The following RTL9 variants were observed in gnomAD, a reference collection of about 807,000 sequenced individuals.
RTL9 encodes retrotransposon Gag-like protein 9.
In RTL9, 19 loss-of-function variants were observed where a neutral mutation model predicts 44.7. The ratio of observed to expected loss-of-function variants is 0.42; its 90% CI spans 0.30 to 0.62. The LOEUF (loss-of-function observed/expected upper bound fraction) is 0.62. Among genes scored for constraint, RTL9 ranks in the 20% least tolerant of loss-of-function variants. The probability of loss-of-function intolerance (pLI) is 0.16; values close to 1 mark genes in which losing one functional copy is unlikely to be tolerated. For missense variants in RTL9, 1,105 were observed against 1,080.6 expected (o/e 1.02, Z -0.32); for synonymous variants, 407 against 398.9 (o/e 1.02, Z -0.24).
Position 110,429,478 on chromosome X carries a change from T to G in RTL9, c.-168+10343T>G, listed in dbSNP as rs1365973387. Among the ~76,000 whole-genome samples the G allele has an allele frequency of 5.6e-3, 515 of 92,470 alleles. 12 individuals are homozygous for G. The highest frequency in any genetic ancestry group is 0.021 in the African/African-American group (498 of 23,853). The allele number at this position is 92,470 out of a possible 115,157, so 80.3% of individuals were successfully genotyped here. On this transcript the variant is annotated intron_variant, in intron 1 of 3. Transcript: ENST00000465301. The stretch of plus-strand genomic sequence containing the variant: ...AAAGTGTTTTTTTTTTTTTTTGTTT[T>G]GTTTTTTTGGTTTTTTTGTTTTTAC...
chrX:110,454,576 A>G (rs150689658), exon 1 of RTL9: 71 of 1,209,963 alleles, frequency 5.9e-5, no homozygotes, highest in Non-Finnish European at 1.1e-5. Flanking sequence ...TCCCCAGGCA[A>G]CTCAAGCCAG....
At position 110,451,858 on chromosome X, in the gene RTL9, C is replaced by T. The variant is rs138209810; in HGVS notation, c.1241C>T (p.Pro414Leu). 441 of 1,209,383 alleles carry T rather than the reference C, an allele frequency of 3.6e-4. No individual in the cohort carries two copies. The highest frequency in any genetic ancestry group is 4.6e-4 in the Non-Finnish European group (410 of 894,980). The change falls in exon 1 of 2, where the codon CCG becomes CTG. Residue 414 changes from proline (P) to leucine (L), a missense_variant. Physicochemically the swap from Pro to Leu is moderately conservative, Grantham distance 98 (BLOSUM62 -3). Transcript: ENST00000540313. Reference sequence around the variant, plus strand: ...TTAGATTCTGGAGCAATGTCCACACCGCTAATGGGAGCCCCAGCCTCTGGA... The same window carrying T: ...TTAGATTCTGGAGCAATGTCCACACTGCTAATGGGAGCCCCAGCCTCTGGA...
chrX:110,370,349 C>T (rs1017730978), intron 1 of RTL9, among the ~76,000 whole-genome samples: 5 of 111,569 alleles, frequency 4.5e-5, no homozygotes, highest in Non-Finnish European at 9.4e-5. Flanking sequence ...GCTAGGATTA[C>T]AGGCACCTGC....
chrX:110,451,930 C>T (rs1179024994), exon 1 of RTL9: 13 of 1,211,924 alleles, frequency 1.1e-5, no homozygotes, highest in Non-Finnish European at 1.5e-5. Flanking sequence ...GGAGCCATGA[C>T]CACCTCACTG....
At chrX:110,423,050 G>A (rs1423529544) in intron 1 of RTL9, among the ~76,000 whole-genome samples, 1 of 112,120 alleles carries the variant, frequency 8.9e-6, no homozygotes, top group Non-Finnish European at 1.9e-5. Flanking sequence ...AGAGGAGGCC[G>A]GGCGCGGTGT....
At chrX:110,385,403 A>C (rs1279125267) in intron 1 of RTL9, among the ~76,000 whole-genome samples, 2 of 111,455 alleles carry the variant, frequency 1.8e-5, no homozygotes, top group African/African-American at 6.5e-5. Flanking sequence ...CAGTTCAGTC[A>C]TTTTTAGTAT....
intron 1 of RTL9, among the ~76,000 whole-genome samples, chrX:110,410,095 C>A (rs1221555191): frequency 8.9e-6 from 1 of 111,807 alleles, no homozygotes; most frequent in East Asian, 2.8e-4. Context: ...CTCAGACTGA[C>A]TTTCTCGTTT....
At chrX:110,438,627 A>G (rs2068856608) in intron 1 of RTL9, among the ~76,000 whole-genome samples, 2 of 111,791 alleles carry the variant, frequency 1.8e-5, no homozygotes, top group Non-Finnish European at 1.9e-5. Context: ...GTTTTGTCCT[A>G]TAGCCTGAAA....
upstream of RTL9, among the ~76,000 whole-genome samples, chrX:110,447,042 G>A (rs2068911779): frequency 9.7e-6 from 1 of 103,135 alleles, no homozygotes; most frequent in African/African-American, 3.6e-5. Flanking sequence ...AGCTTTAATT[G>A]TTAGGTGTGT....
intron 1 of RTL9, among the ~76,000 whole-genome samples, chrX:110,412,292 T>C (rs2068646548): frequency 8.9e-6 from 1 of 112,575 alleles, no homozygotes; most frequent in Admixed American, 9.4e-5. Context: ...CTTTGCAAAA[T>C]GCTCCATGTA....
chrX:110,454,520 A>G, exon 1 of RTL9: 1 of 1,212,105 alleles, frequency 8.3e-7, no homozygotes, highest in Admixed American at 2.2e-5. Flanking sequence ...AGGAGCTGAT[A>G]GACAGGTCTC....
chrX:110,439,516 G>T (rs555123938), intron 1 of RTL9, among the ~76,000 whole-genome samples: 2 of 112,293 alleles, frequency 1.8e-5, no homozygotes, highest in East Asian at 2.8e-4. Flanking sequence ...AGCAGGGGCT[G>T]TGCTCACAAT....
rs369817165 is a variant in RTL9 at position 110,455,483 on chromosome X, CCTT to C, written c.*165_*167del. The C allele has an allele frequency of 2.5e-4, 143 of 570,137 alleles. 1 individual carries two copies. The African/African-American group carries it at 3.1e-3, about 12-fold the overall frequency. 47.0% of individuals were successfully genotyped at this position (570,137 alleles called of 1,213,427 possible). On this transcript the variant is annotated 3_prime_UTR_variant, in exon 2 of 2. Coordinates refer to ENST00000540313, the Ensembl canonical transcript of RTL9. The stretch of plus-strand genomic sequence containing the variant: ...CTTACCTCTCACTTGGCTGATTTGA[CCTT>C]CTCTTTCACCCACATGCCTAAGACC...
intron 1 of RTL9, among the ~76,000 whole-genome samples, chrX:110,413,487 T>G (rs1166117717): frequency 9.1e-6 from 1 of 109,901 alleles, no homozygotes; most frequent in African/African-American, 3.3e-5. Flanking sequence ...TCGTTGACGC[T>G]TCTTTATAAC....
chrX:110,452,774 C>T (rs753152282), exon 1 of RTL9: 1 of 1,209,542 alleles, frequency 8.3e-7, no homozygotes, highest in African/African-American at 1.8e-5. Flanking sequence ...GAAAGATGCT[C>T]AGTCAGCCAA....
At chrX:110,418,927 A>C (rs760364514), upstream of RTL9, 8 of 107,517 alleles carry the variant, frequency 7.4e-5, no homozygotes, top group African/African-American at 2.7e-4. Context: ...CACAGGCAGC[A>C]GCTGGGGCCA....
chrX:110,396,020 C>T (rs986700895), intron 1 of RTL9, among the ~76,000 whole-genome samples: 64 of 111,688 alleles, frequency 5.7e-4, no homozygotes, highest in African/African-American at 2.0e-3. Context: ...GAAGTGGGTA[C>T]TTTTCAATTT....
At chrX:110,381,548 T>C (rs965572598) in intron 1 of RTL9, among the ~76,000 whole-genome samples, 2 of 111,928 alleles carry the variant, frequency 1.8e-5, no homozygotes. Flanking sequence ...GAAATACCAT[T>C]TGATCCAGCA....
In RTL9 at chrX:110,427,329, G is replaced by C. The variant is rs750276818; in HGVS notation, c.-168+8194G>C. Among the ~76,000 whole-genome samples the C allele has an allele frequency of 1.1e-4, 12 of 111,942 alleles. No homozygotes were observed. In the South Asian group the frequency reaches 4.6e-3, roughly 43 times the overall value. On this transcript the variant is annotated intron_variant, in intron 1 of 3. Transcript: ENST00000465301. ...AATAGCCTCACAACACCTGAGACTT[G>C]AGGCTCTCAAAATGTGGGTCCTGGG...
Sources: allele counts gnomAD v4.1 joint callset (sites outside exome capture counted in the v4.1 genomes callset), GRCh38; gene constraint gnomAD v4.1.1; transcripts MANE v1.5; gene names NCBI Gene and HGNC (gene_info 2026-07-23, HGNC 2026-07-21).